Variants in ARHGAP15 observed in about 807,000 individuals in gnomAD.
ARHGAP15 encodes rho GTPase-activating protein 15.
ARHGAP15 carries 51 observed loss-of-function variants against 63.7 expected under a neutral mutation model. The ratio of observed to expected loss-of-function variants is 0.80; its 90% CI spans 0.64 to 1.01. The LOEUF is 1.01. ARHGAP15 is among the 50% of genes least tolerant of loss of function. The pLI, the probability that ARHGAP15 is intolerant of heterozygous loss-of-function variation, is 0.00. For missense variants in ARHGAP15, 560 were observed against 564.6 expected (o/e 0.99, Z 0.08); for synonymous variants, 191 against 193.8 (o/e 0.99, Z 0.12).
At chr2:143,286,797 T>C (rs1682127041) in intron 6 of ARHGAP15, among the ~76,000 whole-genome samples, 1 of 152,216 alleles carries the variant, frequency 6.6e-6, no homozygotes, top group African/African-American at 2.4e-5. Flanking sequence ...TTCTTCATTG[T>C]GTGAACATCA....
intron 6 of ARHGAP15, among the ~76,000 whole-genome samples, chr2:143,429,260 T>G (rs1454932652): frequency 1.3e-5 from 2 of 148,782 alleles, no homozygotes; most frequent in Non-Finnish European, 3.0e-5. Context: ...AAATTTTGGG[T>G]TTAGATATTT....
chr2:143,463,066 G>C (rs1691029838), intron 8 of ARHGAP15, among the ~76,000 whole-genome samples: 1 of 151,918 alleles, frequency 6.6e-6, no homozygotes, highest in Non-Finnish European at 1.5e-5. Flanking sequence ...TGAAACATGA[G>C]ATATTTTTGT....
chr2:143,474,401 T>C (rs1248978125), intron 8 of ARHGAP15, among the ~76,000 whole-genome samples: 1 of 152,148 alleles, frequency 6.6e-6, no homozygotes, highest in Non-Finnish European at 1.5e-5. Context: ...ACTGCCCAAT[T>C]CTTAAAAAAT....
chr2:143,557,706 A>T (rs1306435242), intron 11 of ARHGAP15, among the ~76,000 whole-genome samples: 1 of 152,122 alleles, frequency 6.6e-6, no homozygotes, highest in Non-Finnish European at 1.5e-5. Flanking sequence ...AATAGGGAAA[A>T]TTTTGGGAAG....
chr2:143,699,209 T>C (rs988061860), intron 12 of ARHGAP15, among the ~76,000 whole-genome samples: 1 of 152,210 alleles, frequency 6.6e-6, no homozygotes, highest in African/African-American at 2.4e-5. Context: ...TGTTATTTCC[T>C]GATTTTACAA....
intron 9 of ARHGAP15, among the ~76,000 whole-genome samples, chr2:143,511,071 C>T (rs1326567817): frequency 6.6e-6 from 1 of 152,170 alleles, no homozygotes; most frequent in Non-Finnish European, 1.5e-5. Context: ...AAACTTATAG[C>T]AGTGATGAGG....
At chr2:143,409,771 G>A (rs1688369020) in intron 6 of ARHGAP15, among the ~76,000 whole-genome samples, 1 of 152,092 alleles carries the variant, frequency 6.6e-6, no homozygotes, top group South Asian at 2.1e-4. Context: ...TGCTAGACTA[G>A]TTTATAGCCT....
At chr2:143,135,877 G>C (rs897879309) in intron 1 of ARHGAP15, among the ~76,000 whole-genome samples, 1 of 152,020 alleles carries the variant, frequency 6.6e-6, no homozygotes, top group African/African-American at 2.4e-5. Flanking sequence ...GTTTTATTTA[G>C]TTTCATGACC....
chr2:143,570,359 C>T (rs554795424), intron 11 of ARHGAP15, among the ~76,000 whole-genome samples: 2 of 152,280 alleles, frequency 1.3e-5, no homozygotes, highest in African/African-American at 2.4e-5. Flanking sequence ...TTTACAATAA[C>T]CTCATATTGT....
At chr2:143,186,531 C>T (rs1299704086) in intron 2 of ARHGAP15, among the ~76,000 whole-genome samples, 3 of 152,148 alleles carry the variant, frequency 2.0e-5, no homozygotes. Context: ...TGAATTGCCA[C>T]TGATTTCAAA....
intron 1 of ARHGAP15, among the ~76,000 whole-genome samples, chr2:143,137,597 C>T (rs1347365374): frequency 6.6e-6 from 1 of 152,004 alleles, no homozygotes; most frequent in African/African-American, 2.4e-5. Context: ...CAGCTGAAAA[C>T]ATATTGCCAT....
intron 6 of ARHGAP15, among the ~76,000 whole-genome samples, chr2:143,434,862 A>G (rs987708564): frequency 2.0e-5 from 3 of 152,096 alleles, no homozygotes; most frequent in African/African-American, 7.2e-5. Flanking sequence ...CTTTTCTCAC[A>G]AGTCTGGGGA....
chr2:143,192,175 G>C (rs899475634), intron 2 of ARHGAP15, among the ~76,000 whole-genome samples: 10 of 152,188 alleles, frequency 6.6e-5, no homozygotes, highest in Non-Finnish European at 1.5e-5. Flanking sequence ...GGGTATTTAT[G>C]CACTTCTGGC....
intron 5 of ARHGAP15, among the ~76,000 whole-genome samples, chr2:143,229,290 TCACTATATC>T (rs1376216325): frequency 1.3e-5 from 2 of 152,206 alleles, no homozygotes; most frequent in Non-Finnish European, 2.9e-5. Flanking sequence ...ACTGTGACGT[TCACTATATC>T]CAGCTAACCT....
intron 11 of ARHGAP15, among the ~76,000 whole-genome samples, chr2:143,559,030 G>A (rs537579288): frequency 4.6e-5 from 7 of 152,188 alleles, no homozygotes; most frequent in African/African-American, 1.4e-4. Context: ...CCCTCTGTGG[G>A]TAAAATATGG....
intron 6 of ARHGAP15, among the ~76,000 whole-genome samples, chr2:143,398,762 T>C (rs562849454): frequency 1.7e-5 from 2 of 115,156 alleles, no homozygotes; most frequent in Non-Finnish European, 3.5e-5. Flanking sequence ...TTATAATAAA[T>C]GAAAAAAATC....
At chr2:143,618,552 T>G in intron 11 of ARHGAP15, among the ~76,000 whole-genome samples, 1 of 152,214 alleles carries the variant, frequency 6.6e-6, no homozygotes. Context: ...TTCCTCTTTT[T>G]AAAATTGCAA....
At chr2:143,429,728 A>T (rs577060879) in intron 6 of ARHGAP15, among the ~76,000 whole-genome samples, 34 of 152,268 alleles carry the variant, frequency 2.2e-4, no homozygotes, top group African/African-American at 7.0e-4. Context: ...TAGCATGTGG[A>T]TTTAGGAACA....
At chr2:143,329,140 T>C (rs1684390759) in intron 6 of ARHGAP15, among the ~76,000 whole-genome samples, 1 of 152,228 alleles carries the variant, frequency 6.6e-6, no homozygotes, top group African/African-American at 2.4e-5. Context: ...ATTCTAACAG[T>C]GCCTCCATGA....
Sources: allele counts gnomAD v4.1 joint callset (sites outside exome capture counted in the v4.1 genomes callset), GRCh38; gene constraint gnomAD v4.1.1; transcripts MANE v1.5; gene names NCBI Gene and HGNC (gene_info 2026-07-23, HGNC 2026-07-21).